RNF24: variants seen among roughly 807,000 people sequenced by gnomAD.
RNF24 encodes ring finger protein 24.
Under a neutral mutation model 20.0 loss-of-function variants are expected in RNF24, and 14 were observed. The observed-to-expected ratio is 0.70, with a 90% confidence interval of 0.46 to 1.10. RNF24 has a LOEUF of 1.10. RNF24 is among the 50% of genes least tolerant of loss of function. RNF24 has a pLI of 0.00. For synonymous variants in RNF24, 45 were observed against 61.1 expected (o/e 0.74, Z 1.23); for missense variants, 124 against 177.6 (o/e 0.70, Z 1.71).
intron 1 of RNF24, among the ~76,000 whole-genome samples, chr20:3,977,258 G>A (rs1435156975): frequency 6.6e-6 from 1 of 152,116 alleles, no homozygotes; most frequent in Non-Finnish European, 1.5e-5. Context: ...AAGATGGAAC[G>A]GGGAGAAGAA....
chr20:3,986,168 T>C (rs1979884463), intron 1 of RNF24, among the ~76,000 whole-genome samples: 1 of 152,218 alleles, frequency 6.6e-6, no homozygotes, highest in African/African-American at 2.4e-5. Context: ...ATGTTCCCTT[T>C]GTTTTTTAAC....
chr20:3,988,829 A>C (rs993111026), intron 1 of RNF24, among the ~76,000 whole-genome samples: 1 of 152,168 alleles, frequency 6.6e-6, no homozygotes, highest in Non-Finnish European at 1.5e-5. Flanking sequence ...ATCTTTTTTA[A>C]TCCTTCAAGA....
intron 1 of RNF24, among the ~76,000 whole-genome samples, chr20:3,986,984 T>A (rs577243750): frequency 1.3e-5 from 2 of 152,150 alleles, no homozygotes; most frequent in Non-Finnish European, 2.9e-5. Flanking sequence ...CATAGCTCAC[T>A]GCAGCCTCAA....
chr20:4,001,191 CG>C (rs1175252515), intron 1 of RNF24, among the ~76,000 whole-genome samples: 4 of 151,970 alleles, frequency 2.6e-5, no homozygotes, highest in African/African-American at 9.7e-5. Flanking sequence ...TGCTTGAACC[CG>C]GGAGGCAGAG....
intron 1 of RNF24, among the ~76,000 whole-genome samples, chr20:3,996,648 T>C (rs1197153987): frequency 6.6e-6 from 1 of 152,198 alleles, no homozygotes; most frequent in Non-Finnish European, 1.5e-5. Context: ...CTTGCAGCTG[T>C]GCACGGCCAT....
In RNF24 at chr20:3,932,851, T is replaced by C. The variant is rs762996244; in HGVS notation, c.*1212A>G. 1.3e-5 allele frequency: 5 copies of C among 398,252 alleles called. No homozygotes were observed. The highest frequency in any genetic ancestry group is 2.1e-5 in the African/African-American group (1 of 48,620). The allele number at this position is 398,252 out of a possible 1,614,324, so 24.7% of individuals were successfully genotyped here. On this transcript the variant is annotated 3_prime_UTR_variant, in exon 6 of 6. Coordinates refer to ENST00000358395, the MANE Select transcript of RNF24 (RefSeq NM_001134337.3). ...GGACTTTGAGTCATTTCTAGAAAAG[T>C]TGGACAGAAAGAGCCAAAGAGCAGC...
intron 2 of RNF24, among the ~76,000 whole-genome samples, chr20:3,962,433 A>C (rs1272515400): frequency 6.6e-6 from 1 of 152,210 alleles, no homozygotes; most frequent in Non-Finnish European, 1.5e-5. Context: ...CAAAAAGTGT[A>C]ACACAAAAAT....
At chr20:3,960,603 G>C (rs2091191176) in intron 2 of RNF24, among the ~76,000 whole-genome samples, 1 of 152,054 alleles carries the variant, frequency 6.6e-6, no homozygotes, top group Non-Finnish European at 1.5e-5. Context: ...GGGAGGCAGA[G>C]CTTGCAGTGA....
Position 3,997,526 on chromosome 20 carries a change from A to G in RNF24, c.-8+17911T>C, listed in dbSNP as rs772520498. Reference sequence around the variant, plus strand: ...ACTGTCGCCTCAAACTCCCATGCCCAGACAATCCTCCCTCTTCAGCCTCCA... The same window carrying G: ...ACTGTCGCCTCAAACTCCCATGCCCGGACAATCCTCCCTCTTCAGCCTCCA... On this transcript the variant is annotated intron_variant, in intron 1 of 5. Coordinates refer to ENST00000358395, the MANE Select transcript of RNF24 (RefSeq NM_001134337.3). Among the ~76,000 whole-genome samples the G allele has an allele frequency of 2.1e-4, 32 of 151,600 alleles. 1 individual carries two copies. Among genetic ancestry groups the G allele is most frequent in the South Asian group, 4.2e-4 (2 of 4,804 alleles).
At chr20:3,967,917 A>G (rs1037519849) in intron 1 of RNF24, among the ~76,000 whole-genome samples, 1 of 146,632 alleles carries the variant, frequency 6.8e-6, no homozygotes, top group African/African-American at 2.5e-5. Context: ...CCCTTGAACC[A>G]TGGAGTCGGA....
At chr20:3,938,725 C>T (rs948173388) in intron 4 of RNF24, among the ~76,000 whole-genome samples, 2 of 152,082 alleles carry the variant, frequency 1.3e-5, no homozygotes, top group African/African-American at 4.8e-5. Context: ...AAGATAATGT[C>T]CTTTGAAGCA....
intron 1 of RNF24, among the ~76,000 whole-genome samples, chr20:3,975,810 G>A (rs1215702654): frequency 6.6e-6 from 1 of 152,070 alleles, no homozygotes; most frequent in African/African-American, 2.4e-5. Context: ...ATTGCTGGCT[G>A]TCATCAGAAG....
rs1286789416 is a variant in RNF24 at position 3,935,007 on chromosome 20, C to T, written c.295G>A (p.Ala99Thr). ...ACCAATACTTACTTTCTGTGGAAGG[C>T]GTGCTTACATGGGCAAATCCCCAAC... ...DELGICPCKHAFHRKCLIKWL... is the reference protein window; with the variant it reads ...DELGICPCKHTFHRKCLIKWL... The change falls in exon 5 of 6, where the codon GCC becomes ACC. Residue 99 changes from alanine (A) to threonine (T), a missense_variant. Physicochemically the swap from Ala to Thr is moderately conservative, Grantham distance 58. Transcript: ENST00000358395. The T allele has an allele frequency of 9.3e-6, 15 of 1,613,562 alleles. No individual in the cohort carries two copies. Among genetic ancestry groups the T allele is most frequent in the East Asian group, 4.5e-5 (2 of 44,892 alleles).
intron 4 of RNF24, among the ~76,000 whole-genome samples, chr20:3,943,117 G>C (rs1169204990): frequency 6.6e-6 from 1 of 152,000 alleles, no homozygotes; most frequent in Non-Finnish European, 1.5e-5. Context: ...AGCCCGGCGA[G>C]AGACCTTGAC....
At chr20:3,963,607 C>T (rs1206370292) in intron 2 of RNF24, among the ~76,000 whole-genome samples, 3 of 152,112 alleles carry the variant, frequency 2.0e-5, no homozygotes, top group Non-Finnish European at 4.4e-5. Context: ...CAATGACATA[C>T]GTGTATCTGT....
intron 1 of RNF24, among the ~76,000 whole-genome samples, chr20:4,013,468 C>G (rs1982624625): frequency 6.6e-6 from 1 of 152,066 alleles, no homozygotes; most frequent in African/African-American, 2.4e-5. Flanking sequence ...ATTTTGAATC[C>G]AAAGATCATA....
chr20:3,998,763 A>T (rs962825806), intron 1 of RNF24, among the ~76,000 whole-genome samples: 2 of 49,634 alleles, frequency 4.0e-5, no homozygotes, highest in East Asian at 5.6e-4. Flanking sequence ...CTCAAAAAAT[A>T]AAATTAAATT....
chr20:4,006,285 C>G (rs146903438), intron 1 of RNF24, among the ~76,000 whole-genome samples: 1 of 151,936 alleles, frequency 6.6e-6, no homozygotes, highest in South Asian at 2.1e-4. Context: ...AGAAGAATCG[C>G]TTGAACCCAG....
chr20:3,930,765 A>C lies in RNF24; in HGVS notation c.*3298T>G, dbSNP rs778158948. The C allele has an allele frequency of 1.3e-5, 2 of 152,298 alleles. No individual in the cohort carries two copies. Among genetic ancestry groups the C allele is most frequent in the African/African-American group, 4.8e-5 (2 of 41,456 alleles). 9.4% of individuals were successfully genotyped at this position (152,298 alleles called of 1,614,324 possible). A position where few individuals can be genotyped will look rare whatever the true frequency, so the allele number is the denominator to read the frequency against. On this transcript the variant is annotated 3_prime_UTR_variant, in exon 6 of 6. Coordinates refer to ENST00000358395, the MANE Select transcript of RNF24 (RefSeq NM_001134337.3). Reference sequence around the variant, plus strand: ...TTTTGAAGTGGGGTTGTGAAAAAGGACAAGGCCCGAGGCTATTTCTCTGAT... The same window carrying C: ...TTTTGAAGTGGGGTTGTGAAAAAGGCCAAGGCCCGAGGCTATTTCTCTGAT...
Sources: gnomAD v4.1 joint callset for allele counts (sites outside exome capture counted in the v4.1 genomes callset) on GRCh38, gnomAD v4.1.1 for gene constraint, MANE v1.5 for transcripts, NCBI Gene and HGNC (gene_info 2026-07-23, HGNC 2026-07-21) for gene names.